LARGE1: variants seen among roughly 807,000 people sequenced by gnomAD.
The protein encoded by LARGE1 is LARGE xylosyl- and glucuronyltransferase 1.
Under a neutral mutation model 87.6 loss-of-function variants are expected in LARGE1, and 43 were observed. The ratio of observed to expected loss-of-function variants is 0.49; its 90% CI spans 0.38 to 0.63. The LOEUF (loss-of-function observed/expected upper bound fraction) is 0.63, where lower values mean the gene tolerates loss of function less well. Among genes scored for constraint, LARGE1 ranks in the 30% least tolerant of loss-of-function variants. The pLI, the probability that LARGE1 is intolerant of heterozygous loss-of-function variation, is 0.00. For synonymous variants in LARGE1, 434 were observed against 394.6 expected (o/e 1.10, Z -1.18); for missense variants, 802 against 1,000.2 (o/e 0.80, Z 2.67).
chr22:33,810,915 G>A (rs1295702533), intron 1 of LARGE1, among the ~76,000 whole-genome samples: 1 of 152,048 alleles, frequency 6.6e-6, no homozygotes, highest in African/African-American at 2.4e-5. Flanking sequence ...GTACAGACGG[G>A]GTTTCACCAT....
chr22:33,764,137 C>T (rs545974050), intron 1 of LARGE1, among the ~76,000 whole-genome samples: 37 of 152,064 alleles, frequency 2.4e-4, no homozygotes, highest in African/African-American at 8.4e-4. Flanking sequence ...CGTGAGCCAC[C>T]GCACCTGACC....
chr22:33,438,447 T>C (rs2067351919), intron 6 of LARGE1, among the ~76,000 whole-genome samples: 2 of 152,178 alleles, frequency 1.3e-5, no homozygotes, highest in Admixed American at 6.5e-5. Context: ...CAAGTTAACT[T>C]ATGAAAATGA....
intron 1 of LARGE1, among the ~76,000 whole-genome samples, chr22:33,764,193 G>C (rs77851412): frequency 0.018 from 2,786 of 151,998 alleles, 80 homozygotes; most frequent in African/African-American, 0.062. Context: ...TTCCCCCACA[G>C]GATTGGGTAG....
At chr22:33,527,351 A>C (rs1396430515) in intron 6 of LARGE1, among the ~76,000 whole-genome samples, 1 of 152,210 alleles carries the variant, frequency 6.6e-6, no homozygotes, top group Non-Finnish European at 1.5e-5. Flanking sequence ...AATGGTTCTG[A>C]GGCAGGTGGT....
At chr22:33,242,269 G>C (rs1380461069) in intron 11 of LARGE1, among the ~76,000 whole-genome samples, 3 of 152,112 alleles carry the variant, frequency 2.0e-5, no homozygotes, top group Non-Finnish European at 4.4e-5. Flanking sequence ...CTCTGGTGGA[G>C]AGAGGTGATT....
intron 6 of LARGE1, among the ~76,000 whole-genome samples, chr22:33,545,806 A>G (rs767723920): frequency 6.6e-6 from 1 of 151,946 alleles, no homozygotes; most frequent in Non-Finnish European, 1.5e-5. Flanking sequence ...CTGGTTTCGA[A>G]CTCCTGAGCT....
chr22:33,795,517 C>T (rs1041915527), intron 1 of LARGE1, among the ~76,000 whole-genome samples: 2 of 151,944 alleles, frequency 1.3e-5, no homozygotes, highest in African/African-American at 2.4e-5. Flanking sequence ...TGAGTATATA[C>T]CCAAAGGACT....
chr22:33,337,705 T>C lies in LARGE1; in HGVS notation c.1228A>G (p.Asn410Asp). 6.2e-7 allele frequency: 1 copy of C among 1,614,148 alleles called. No homozygotes were observed. The highest frequency in any genetic ancestry group is 8.5e-7 in the Non-Finnish European group (1 of 1,180,022). Residue 410 changes from asparagine (N) to aspartate (D), a missense_variant, in exon 10 of 15, where the codon AAT (asparagine) becomes GAT (aspartate). Physicochemically the swap from Asn to Asp is conservative, Grantham distance 23 (BLOSUM62 1). This residue lies in a region of LARGE1 where 625 missense variants were observed against 841.9 expected (regional missense o/e 0.74). Transcript: ENST00000397394. ...LYLTFLEYDG[N>D]LLRRELFGCP... ...CCAAACAGTTCCCGCCTCAGAAGAT[T>C]GCCGTCATACTCCAGGAAGGTCAGG...
chr22:33,541,085 G>A (rs1435081345), intron 6 of LARGE1, among the ~76,000 whole-genome samples: 2 of 132,316 alleles, frequency 1.5e-5, no homozygotes, highest in African/African-American at 5.4e-5. Flanking sequence ...CGGGTTGCAG[G>A]GGGAGAATCA....
chr22:33,611,863 C>T (rs1217871211), intron 4 of LARGE1, among the ~76,000 whole-genome samples: 1 of 152,172 alleles, frequency 6.6e-6, no homozygotes, highest in African/African-American at 2.4e-5. Flanking sequence ...GCTGTCCTCA[C>T]AATACTGAGT....
At chr22:33,294,493 T>C (rs988699672) in intron 12 of LARGE1, among the ~76,000 whole-genome samples, 1 of 152,206 alleles carries the variant, frequency 6.6e-6, no homozygotes, top group African/African-American at 2.4e-5. Flanking sequence ...TGCTGGAGTG[T>C]GCATCTGTTT....
At chr22:33,360,945 A>G (rs181773624) in intron 9 of LARGE1, among the ~76,000 whole-genome samples, 1,507 of 149,760 alleles carry the variant, frequency 0.01, 111 homozygotes, top group South Asian at 0.019. Context: ...GGCCGGGCAC[A>G]GTGGCTCACG....
intron 5 of LARGE1, among the ~76,000 whole-genome samples, chr22:33,592,874 C>A (rs558954708): frequency 6.6e-6 from 1 of 150,796 alleles, no homozygotes; most frequent in Non-Finnish European, 1.5e-5. Flanking sequence ...GGAGCTTGCT[C>A]TGTCACCCAG....
chr22:33,143,170 C>A, the LARGE1 span, among the ~76,000 whole-genome samples: 2 of 152,074 alleles, frequency 1.3e-5, no homozygotes, highest in Non-Finnish European at 2.9e-5. Flanking sequence ...AAGGGAAGAG[C>A]CAAAACAAAG....
intron 1 of LARGE1, among the ~76,000 whole-genome samples, chr22:33,879,337 C>A (rs1370556343): frequency 1.3e-5 from 2 of 152,174 alleles, no homozygotes; most frequent in African/African-American, 4.8e-5. Context: ...GGGGTCACAA[C>A]ATCCCAAGCA....
chr22:33,299,755 G>C (rs1464361411), intron 12 of LARGE1, among the ~76,000 whole-genome samples: 1 of 152,252 alleles, frequency 6.6e-6, no homozygotes, highest in South Asian at 2.1e-4. Context: ...CACTTGATTA[G>C]TGTTGTGGAA....
intron 3 of LARGE1, among the ~76,000 whole-genome samples, chr22:33,641,974 G>A (rs987078160): frequency 5.9e-5 from 9 of 152,144 alleles, no homozygotes; most frequent in Admixed American, 2.0e-4. Flanking sequence ...TATTATCCAG[G>A]AGAACTTCCC....
intron 11 of LARGE1, among the ~76,000 whole-genome samples, chr22:33,196,616 GA>G (rs76615418): frequency 0.12 from 18,566 of 152,026 alleles, 1,278 homozygotes; most frequent in South Asian, 0.23. Flanking sequence ...GCAAAATAGG[GA>G]AGAGGGAACA....
intron 6 of LARGE1, among the ~76,000 whole-genome samples, chr22:33,534,306 A>G (rs1303132916): frequency 6.6e-6 from 1 of 152,142 alleles, no homozygotes; most frequent in Non-Finnish European, 1.5e-5. Context: ...CGGGAGGCTG[A>G]GGCAGGAGAA....
Sources: allele counts gnomAD v4.1 joint callset (sites outside exome capture counted in the v4.1 genomes callset), GRCh38; gene constraint gnomAD v4.1.1; regional missense constraint gnomAD v4.1.1; transcripts MANE v1.5; gene names NCBI Gene and HGNC (gene_info 2026-07-23, HGNC 2026-07-21).